The following EBF4 variants were observed in gnomAD, a reference collection of about 807,000 sequenced individuals.
The protein encoded by EBF4 is EBF transcription factor 4.
In EBF4, 34 loss-of-function variants were observed where a neutral mutation model predicts 67.1. The ratio of observed to expected loss-of-function variants is 0.51; its 90% CI spans 0.39 to 0.67. The LOEUF (loss-of-function observed/expected upper bound fraction) is 0.67. Ranked by LOEUF, EBF4 falls within the 30% of genes least tolerant of loss-of-function variation. The probability of loss-of-function intolerance (pLI) is 0.00; values close to 1 mark genes in which losing one functional copy is unlikely to be tolerated. For synonymous variants in EBF4, 387 were observed against 377.7 expected (o/e 1.02, Z -0.29); for missense variants, 837 against 873.3 (o/e 0.96, Z 0.52).
intron 6 of EBF4, among the ~76,000 whole-genome samples, chr20:2,721,788 A>G (rs774398268): frequency 1.3e-5 from 2 of 152,216 alleles, no homozygotes; most frequent in Non-Finnish European, 2.9e-5. Flanking sequence ...TATAAAACAC[A>G]GTTATAATAA....
chr20:2,710,606 G>A (rs2087529700), intron 6 of EBF4, among the ~76,000 whole-genome samples: 1 of 151,036 alleles, frequency 6.6e-6, no homozygotes, highest in Non-Finnish European at 1.5e-5. Context: ...ATTCCACACA[G>A]GAACATAAAC....
intron 6 of EBF4, among the ~76,000 whole-genome samples, chr20:2,723,644 C>T (rs574668604): frequency 1.3e-5 from 2 of 152,330 alleles, no homozygotes; most frequent in East Asian, 1.9e-4. Flanking sequence ...CCACCGCGCC[C>T]GGCCAGATGT....
intron 6 of EBF4, among the ~76,000 whole-genome samples, chr20:2,736,335 A>G (rs541166190): frequency 3.9e-5 from 6 of 152,174 alleles, no homozygotes; most frequent in Non-Finnish European, 8.8e-5. Context: ...GGTCCGAGCC[A>G]CCTGGCAAAG....
intron 15 of EBF4, among the ~76,000 whole-genome samples, chr20:2,758,013 C>A (rs1213769423): frequency 6.6e-6 from 1 of 152,188 alleles, no homozygotes; most frequent in Non-Finnish European, 1.5e-5. Context: ...TTATTTAACT[C>A]ATCAGTGAGG....
intron 15 of EBF4, among the ~76,000 whole-genome samples, chr20:2,757,584 A>C (rs567269486): frequency 6.6e-6 from 1 of 152,340 alleles, no homozygotes; most frequent in Middle Eastern, 3.4e-3. Flanking sequence ...TGCCCTAGAT[A>C]GAGTAGACCT....
In EBF4 at chr20:2,748,535, C is replaced by A. The variant is rs1025156440; in HGVS notation, c.558-14C>A. 3 of 1,550,742 alleles carry A rather than the reference C, an allele frequency of 1.9e-6. No individual in the cohort carries two copies. The African/African-American group carries it at 4.1e-5, about 21-fold the overall frequency. On this transcript the variant is annotated splice_polypyrimidine_tract_variant and intron_variant, in intron 6 of 16. Transcript: ENST00000609451. Reference sequence around the variant, plus strand: ...ACCCCCAGACCCTTGAGCCCACCGACCACACTGTTTCAGGTTCTTCCTCAA... The same window carrying A: ...ACCCCCAGACCCTTGAGCCCACCGAACACACTGTTTCAGGTTCTTCCTCAA...
chr20:2,744,093 T>C (rs2088010746), intron 6 of EBF4, among the ~76,000 whole-genome samples: 1 of 151,600 alleles, frequency 6.6e-6, no homozygotes, highest in Admixed American at 6.6e-5. Flanking sequence ...TATTTTTTTT[T>C]TTTTGAGACG....
intron 15 of EBF4, 77 bp from the exon 16 acceptor site, chr20:2,758,832 C>T: frequency 1.5e-6 from 2 of 1,328,180 alleles, no homozygotes; most frequent in Admixed American, 3.9e-5. Context: ...CCTGCTGTCT[C>T]CAGCCCAGAG....
chr20:2,700,514 G>C (rs1474447229), intron 1 of EBF4, among the ~76,000 whole-genome samples: 1 of 152,066 alleles, frequency 6.6e-6, no homozygotes. Context: ...TTTGGCCTTG[G>C]TCCACATCTC....
At chr20:2,695,633 G>A (rs547751262) in intron 1 of EBF4, among the ~76,000 whole-genome samples, 26 of 152,250 alleles carry the variant, frequency 1.7e-4, no homozygotes, top group Admixed American at 1.5e-3. Flanking sequence ...TGTCCCAGAG[G>A]GAGCTGCCTC....
chr20:2,748,251 G>A (rs1008182587), intron 6 of EBF4, among the ~76,000 whole-genome samples: 1 of 152,094 alleles, frequency 6.6e-6, no homozygotes, highest in Non-Finnish European at 1.5e-5. Context: ...TACTCTTCAT[G>A]GTGAATATAT....
At chr20:2,733,827 A>G (rs982017614) in intron 6 of EBF4, among the ~76,000 whole-genome samples, 5 of 152,126 alleles carry the variant, frequency 3.3e-5, no homozygotes, top group African/African-American at 1.2e-4. Context: ...AAAAAAAAAA[A>G]AAAGCAAAAA....
chr20:2,738,606 C>T (rs894623415), intron 6 of EBF4, among the ~76,000 whole-genome samples: 1 of 152,122 alleles, frequency 6.6e-6, no homozygotes, highest in Admixed American at 6.5e-5. Context: ...TTCCTCCTCT[C>T]CCCTCAGGCC....
At chr20:2,698,208 G>A (rs1350609135) in intron 1 of EBF4, among the ~76,000 whole-genome samples, 1 of 152,226 alleles carries the variant, frequency 6.6e-6, no homozygotes, top group Non-Finnish European at 1.5e-5. Context: ...AATTTCCTGG[G>A]GCAGGTGAGC....
chr20:2,709,363 A>C (rs1332974040), intron 5 of EBF4, among the ~76,000 whole-genome samples: 1 of 151,996 alleles, frequency 6.6e-6, no homozygotes, highest in African/African-American at 2.4e-5. Context: ...GGCCAGCCTC[A>C]TCCCCAGGCT....
chr20:2,697,698 T>G (rs113796743), intron 1 of EBF4, among the ~76,000 whole-genome samples: 3,035 of 152,242 alleles, frequency 0.02, 94 homozygotes, highest in African/African-American at 0.069. Flanking sequence ...AAGGACCCCC[T>G]GCCCCTGCCC....
chr20:2,701,501 TG>T (rs1030204045), intron 1 of EBF4, among the ~76,000 whole-genome samples: 2 of 152,188 alleles, frequency 1.3e-5, no homozygotes, highest in Admixed American at 6.5e-5. Context: ...TGGCAGGAGC[TG>T]GGGGGCAGCC....
In EBF4 at chr20:2,752,350, C is replaced by T. The variant is rs1487505262; in HGVS notation, c.1352-7C>T. ...CCGCCCCCTGACGGCCGCGCTCTCT[C>T]TCGCAGGCTACGCGCGCAGCTGCAG... On this transcript the variant is annotated splice_region_variant and splice_polypyrimidine_tract_variant and intron_variant, in intron 13 of 16. Transcript: ENST00000609451. 1 of 1,212,046 alleles carries T rather than the reference C, an allele frequency of 8.3e-7. No individual in the cohort carries two copies. Among genetic ancestry groups the T allele is most frequent in the Non-Finnish European group, 1.0e-6 (1 of 977,668 alleles). 75.1% of individuals were successfully genotyped at this position (1,212,046 alleles called of 1,614,324 possible). A position where few individuals can be genotyped will look rare whatever the true frequency, so the allele number is the denominator to read the frequency against.
chr20:2,723,556 A>C (rs958165312), intron 6 of EBF4, among the ~76,000 whole-genome samples: 1 of 151,916 alleles, frequency 6.6e-6, no homozygotes, highest in Admixed American at 6.6e-5. Flanking sequence ...TCACCGTGTT[A>C]GCCAGGATGG....
Sources: gnomAD v4.1 joint callset for allele counts (sites outside exome capture counted in the v4.1 genomes callset) on GRCh38, gnomAD v4.1.1 for gene constraint, MANE v1.5 for transcripts, NCBI Gene and HGNC (gene_info 2026-07-23, HGNC 2026-07-21) for gene names.